TP63: variants seen among roughly 807,000 people sequenced by gnomAD.
TP63 encodes the protein tumor protein 63.
In TP63, 17 loss-of-function variants were observed where a neutral mutation model predicts 82.8. The ratio of observed to expected loss-of-function variants is 0.21; its 90% CI spans 0.14 to 0.31. The LOEUF is 0.31. TP63 is among the 10% of genes least tolerant of loss of function. The probability of loss-of-function intolerance (pLI) is 1.00; values close to 1 mark genes in which losing one functional copy is unlikely to be tolerated. For synonymous variants in TP63, 330 were observed against 321.7 expected, an observed-to-expected ratio of 1.03 and a Z score of -0.28; for missense variants, 648 against 895.3, an observed-to-expected ratio of 0.72 and a Z score of 3.52.
At chr3:189,776,773 G>A (rs1008573548) in intron 3 of TP63, among the ~76,000 whole-genome samples, 13 of 152,220 alleles carry the variant, frequency 8.5e-5, no homozygotes, top group African/African-American at 3.1e-4. Flanking sequence ...TTTGCTGAGG[G>A]TCAGAGGGTA....
intron 9 of TP63, among the ~76,000 whole-genome samples, chr3:189,871,186 G>A (rs1208373315): frequency 1.3e-5 from 2 of 152,094 alleles, no homozygotes; most frequent in African/African-American, 4.8e-5. Context: ...CAAGTTGAGA[G>A]AAGACTTAGC....
intron 1 of TP63, among the ~76,000 whole-genome samples, chr3:189,729,157 T>G (rs1475525136): frequency 6.6e-6 from 1 of 152,062 alleles, no homozygotes; most frequent in Non-Finnish European, 1.5e-5. Flanking sequence ...ATGGGGAGCA[T>G]GAGTGAAGGG....
intron 4 of TP63, among the ~76,000 whole-genome samples, chr3:189,852,324 G>A (rs538383293): frequency 3.2e-4 from 48 of 152,134 alleles, no homozygotes; most frequent in African/African-American, 1.0e-3. Context: ...CTCTATTGTC[G>A]ACAATTCCAT....
At chr3:189,872,404 C>T (rs76644724) in intron 9 of TP63, among the ~76,000 whole-genome samples, 1 of 70,240 alleles carries the variant, frequency 1.4e-5, no homozygotes, top group South Asian at 4.7e-4. Context: ...TTCTCTAACA[C>T]ACACACACAC....
the TP63 span, among the ~76,000 whole-genome samples, chr3:189,610,833 C>T: frequency 6.6e-6 from 1 of 152,164 alleles, no homozygotes; most frequent in Non-Finnish European, 1.5e-5. Context: ...ACTTACTGTT[C>T]CACATGGCTG....
chr3:189,869,338 A>C lies in TP63; in HGVS notation c.1144A>C (p.Thr382Pro). ...TCCTCCACCAGCGTTTCGTCAGAAC[A>C]CACATGGTATCCAGATGACATCCAT... is the stretch of plus-strand genomic sequence containing the variant. ...DGTKRPFRQN[T>P]HGIQMTSIKK... The change falls in exon 9 of 14, where the codon ACA becomes CCA. Residue 382 changes from threonine (T) to proline (P), a missense_variant. This residue lies in a region of TP63 where 342 missense variants were observed against 425.7 expected (regional missense o/e 0.80). Transcript: ENST00000264731. 1 of 1,614,136 alleles carries C rather than the reference A, an allele frequency of 6.2e-7. No homozygotes were observed. Among genetic ancestry groups the C allele is most frequent in the Non-Finnish European group, 8.5e-7 (1 of 1,179,990 alleles).
chr3:189,656,753 G>T (rs1354838891), intron 1 of TP63, among the ~76,000 whole-genome samples: 2 of 152,024 alleles, frequency 1.3e-5, no homozygotes, highest in Non-Finnish European at 2.9e-5. Context: ...AGGACCACAT[G>T]GTAACAACAA....
At chr3:189,819,284 C>CT (rs112283744) in intron 4 of TP63, among the ~76,000 whole-genome samples, 8 of 151,350 alleles carry the variant, frequency 5.3e-5, no homozygotes, top group African/African-American at 1.9e-4. Flanking sequence ...CAAATGTGCA[C>CT]TTTTTTTTTA....
chr3:189,702,905 T>A (rs142171348), intron 1 of TP63, among the ~76,000 whole-genome samples: 134 of 152,338 alleles, frequency 8.8e-4, no homozygotes, highest in African/African-American at 2.7e-3. Flanking sequence ...ATCACATCAT[T>A]AACAACAGGT....
chr3:189,792,005 G>A (rs1161589509), intron 3 of TP63, among the ~76,000 whole-genome samples: 9 of 152,040 alleles, frequency 5.9e-5, no homozygotes, highest in Admixed American at 3.3e-4. Flanking sequence ...CTGTAAGAGT[G>A]AAAATTATTT....
At chr3:189,852,591 G>A (rs1385230118) in intron 4 of TP63, among the ~76,000 whole-genome samples, 1 of 152,086 alleles carries the variant, frequency 6.6e-6, no homozygotes, top group Non-Finnish European at 1.5e-5. Context: ...CATTTCTACT[G>A]CCCTAGGTTG....
At position 189,855,596 on chromosome 3, in the gene TP63, C is replaced by T. The variant is rs144951626; in HGVS notation, c.580-8636C>T. ...ATATCCCTTTTTAATACTGTGACAG[C>T]CACCACTTAAAATCATGTTTTAAAA... On this transcript the variant is annotated intron_variant, in intron 4 of 13. Transcript: ENST00000264731. Among the ~76,000 whole-genome samples, 417 of 151,978 alleles carry T rather than the reference C, an allele frequency of 2.7e-3. 2 individuals carry two copies. The highest frequency in any genetic ancestry group is 9.5e-3 in the African/African-American group (394 of 41,450).
At position 189,685,574 on chromosome 3, in the gene TP63, G is replaced by T. The variant is rs548882994; in HGVS notation, c.63-52166G>T. Among the ~76,000 whole-genome samples, 3 of 152,176 alleles carry T rather than the reference G, an allele frequency of 2.0e-5. No homozygotes were observed. In the East Asian group the frequency reaches 5.8e-4, roughly 29 times the overall value. The stretch of plus-strand genomic sequence containing the variant: ...TGTGAACTCCATCAAGGCATAAAAG[G>T]TTTTAACTCTATATTTCCCAAACTG... On this transcript the variant is annotated intron_variant, in intron 1 of 13. Coordinates refer to ENST00000264731, the MANE Select transcript of TP63 (RefSeq NM_003722.5).
intron 1 of TP63, among the ~76,000 whole-genome samples, chr3:189,677,198 TTGTGTGTGTGTG>T (rs140059391): frequency 1.3e-5 from 2 of 148,576 alleles, no homozygotes; most frequent in Non-Finnish European, 3.0e-5. Context: ...TGGTGTGTGT[TTGTGTGTGTGTG>T]TGTGTATACA....
At chr3:189,662,317 G>A (rs1372080853) in intron 1 of TP63, among the ~76,000 whole-genome samples, 1 of 151,898 alleles carries the variant, frequency 6.6e-6, no homozygotes, top group African/African-American at 2.4e-5. Flanking sequence ...TAATTTAGTT[G>A]TTTACCCAGA....
At chr3:189,770,469 G>T (rs867050524) in intron 3 of TP63, among the ~76,000 whole-genome samples, 1 of 151,902 alleles carries the variant, frequency 6.6e-6, no homozygotes. Flanking sequence ...GGGGGCTGAG[G>T]CAGGAGGATT....
chr3:189,672,883 G>A (rs76078569), intron 1 of TP63, among the ~76,000 whole-genome samples: 17,685 of 151,928 alleles, frequency 0.12, 1,127 homozygotes, highest in East Asian at 0.2. Context: ...AAAAAAAGAG[G>A]AAAAAGCAAA....
At chr3:189,814,125 C>T (rs1024288780) in intron 4 of TP63, among the ~76,000 whole-genome samples, 2 of 152,222 alleles carry the variant, frequency 1.3e-5, no homozygotes, top group Non-Finnish European at 2.9e-5. Flanking sequence ...AGATGCGCGC[C>T]TGCGGCCCAC....
chr3:189,814,162 T>C (rs946801094), intron 4 of TP63, among the ~76,000 whole-genome samples: 5 of 152,192 alleles, frequency 3.3e-5, no homozygotes, highest in African/African-American at 1.2e-4. Context: ...TTACCTGTAA[T>C]GTAAGACTTT....
Sources: allele counts gnomAD v4.1 joint callset (sites outside exome capture counted in the v4.1 genomes callset), GRCh38; gene constraint gnomAD v4.1.1; regional missense constraint gnomAD v4.1.1; transcripts MANE v1.5; gene names NCBI Gene and HGNC (gene_info 2026-07-23, HGNC 2026-07-21).